SYNE1: variants seen among roughly 807,000 people sequenced by gnomAD.
SYNE1 encodes nesprin-1.
Under a neutral mutation model 1,111.0 loss-of-function variants are expected in SYNE1, and 616 were observed. The ratio of observed to expected loss-of-function variants is 0.55; its 90% CI spans 0.52 to 0.59. The LOEUF is 0.59. SYNE1 is among the 20% of genes least tolerant of loss of function. The pLI is 0.00. For synonymous variants in SYNE1, 3,855 were observed against 3,825.8 expected, an observed-to-expected ratio of 1.01 and a Z score of -0.28; for missense variants, 10,006 against 10,417.0, an observed-to-expected ratio of 0.96 and a Z score of 1.72.
chr6:152,217,114 T>A (rs1213063509), intron 121 of SYNE1, among the ~76,000 whole-genome samples: 2,281 of 100,386 alleles, frequency 0.023, 62 homozygotes, highest in African/African-American at 0.063. Context: ...TTTTTTTTTT[T>A]AAAAAAGTAT....
In SYNE1 at chr6:152,310,740, T is replaced by G; in HGVS notation, c.16844A>C (p.Glu5615Ala). The G allele has an allele frequency of 6.2e-7, 1 of 1,614,134 alleles. No homozygotes were observed. The highest frequency in any genetic ancestry group is 8.5e-7 in the Non-Finnish European group (1 of 1,180,018). ...ACGAATTTTGATCATCTGTCGCAAC[T>G]CCTCAGTCTCCCGTCCCAGTTCTGC... is the stretch of plus-strand genomic sequence containing the variant. ...QVAELGRETE[E>A]LRQMIKIRLQ... The change falls in exon 88 of 146, where the codon GAG becomes GCG. Residue 5615 changes from glutamate to alanine, a missense_variant. By Grantham distance (107) the Glu-to-Ala change is moderately radical (BLOSUM62 -1). This residue lies in a region of SYNE1 where 4,955 missense variants were observed against 5,017.2 expected (regional missense o/e 0.99). Coordinates refer to ENST00000367255, the MANE Select transcript of SYNE1 (RefSeq NM_182961.4).
intron 71 of SYNE1, 39 bp from the exon 72 acceptor site, chr6:152,350,374 G>A (rs1554514582): frequency 1.9e-6 from 3 of 1,613,302 alleles, no homozygotes; most frequent in African/African-American, 1.3e-5. Context: ...ACTTTCAAGT[G>A]AAAAACCTAC....
intron 11 of SYNE1, among the ~76,000 whole-genome samples, chr6:152,490,838 G>A (rs1223052288): frequency 6.6e-6 from 1 of 152,116 alleles, no homozygotes; most frequent in African/African-American, 2.4e-5. Flanking sequence ...CTATGACCTT[G>A]GGTCCTCAGG....
At chr6:152,278,355 A>C in intron 97 of SYNE1, 75 bp from the exon 98 acceptor site, 1 of 1,549,406 alleles carries the variant, frequency 6.5e-7, no homozygotes, top group Non-Finnish European at 8.9e-7. Context: ...ACAGTGAAAT[A>C]CAGCCCTTTG....
At chr6:152,149,346 C>T in intron 136 of SYNE1, 131 bp downstream of exon 136, 2 of 1,079,704 alleles carry the variant, frequency 1.9e-6, no homozygotes, top group Non-Finnish European at 2.8e-6. Flanking sequence ...CAATGTAGGA[C>T]AAAGCTAGGA....
At chr6:152,393,617 AGTAAGGGCTCATAGAG>A (rs1440017340) in intron 51 of SYNE1, among the ~76,000 whole-genome samples, 6 of 152,032 alleles carry the variant, frequency 3.9e-5, no homozygotes, top group Non-Finnish European at 8.8e-5. Flanking sequence ...CTTACACTAT[AGTAAGGGCTCATAGAG>A]ATGTTCCAAT....
In SYNE1 at chr6:152,151,758, C is replaced by T. The variant is rs1451831551; in HGVS notation, c.24313-68G>A. ...AGTCCTTCTAAACATATGGAGATGG[C>T]ACAGCGAATTCCAGTGTTCTGTAAA... On this transcript the variant is annotated intron_variant, in intron 134 of 145. Coordinates refer to ENST00000367255, the MANE Select transcript of SYNE1 (RefSeq NM_182961.4). The T allele has an allele frequency of 1.3e-5, 20 of 1,567,980 alleles. No homozygotes were observed. In the Admixed American group the frequency reaches 3.6e-4, roughly 28 times the overall value.
intron 130 of SYNE1, among the ~76,000 whole-genome samples, chr6:152,173,405 C>T (rs2065671505): frequency 1.3e-5 from 2 of 152,200 alleles, no homozygotes; most frequent in South Asian, 4.1e-4. Flanking sequence ...AGCACCAATA[C>T]AGGACAGAAA....
intron 30 of SYNE1, among the ~76,000 whole-genome samples, chr6:152,443,726 G>A (rs996107978): frequency 3.3e-5 from 5 of 152,096 alleles, no homozygotes; most frequent in African/African-American, 9.7e-5. Context: ...TTTTGCTACT[G>A]TGTATCAGGT....
chr6:152,548,846 G>A (rs946707803), intron 3 of SYNE1, among the ~76,000 whole-genome samples: 22 of 152,046 alleles, frequency 1.4e-4, no homozygotes, highest in Non-Finnish European at 1.5e-4. Flanking sequence ...ATCTGAACTC[G>A]TATGGTACTT....
intron 36 of SYNE1, among the ~76,000 whole-genome samples, chr6:152,429,234 A>C (rs1169242675): frequency 1.3e-5 from 2 of 152,064 alleles, no homozygotes; most frequent in Non-Finnish European, 2.9e-5. Context: ...TTCATTTTAC[A>C]GATTAGGAAA....
chr6:152,406,207 C>A (rs896817353), intron 45 of SYNE1, among the ~76,000 whole-genome samples: 6 of 152,000 alleles, frequency 3.9e-5, no homozygotes, highest in Non-Finnish European at 7.4e-5. Context: ...TTTGTGGAAG[C>A]CTGTGACCCT....
Position 152,530,982 on chromosome 6 carries a change from A to G in SYNE1, c.130-4807T>C, listed in dbSNP as rs2099196861. On this transcript the variant is annotated intron_variant, in intron 4 of 145. Coordinates refer to ENST00000367255, the MANE Select transcript of SYNE1 (RefSeq NM_182961.4). Reference sequence around the variant, plus strand: ...CATGAATCATCCCTTTGCCCAGGGTATTCATGCTGTCTACTCAACCTGACC... The same window carrying G: ...CATGAATCATCCCTTTGCCCAGGGTGTTCATGCTGTCTACTCAACCTGACC... Among the ~76,000 whole-genome samples the G allele has an allele frequency of 2.6e-5, 4 of 151,826 alleles. No individual in the cohort carries two copies. The South Asian group carries it at 8.3e-4, about 31-fold the overall frequency.
chr6:152,227,008 A>G (rs1459065161), intron 115 of SYNE1, among the ~76,000 whole-genome samples: 1 of 152,218 alleles, frequency 6.6e-6, no homozygotes, highest in African/African-American at 2.4e-5. Context: ...TCAATTGTAT[A>G]AAAAATATTT....
chr6:152,278,647 G>C (rs1408357916), intron 97 of SYNE1, among the ~76,000 whole-genome samples: 1 of 152,092 alleles, frequency 6.6e-6, no homozygotes, highest in Non-Finnish European at 1.5e-5. Context: ...TTTTTTAGTA[G>C]AGACGGGGTT....
chr6:152,350,629 T>C lies in SYNE1; in HGVS notation c.11722A>G (p.Ser3908Gly), dbSNP rs966258186. 3.7e-6 allele frequency: 6 copies of C among 1,614,218 alleles called. No individual in the cohort carries two copies. Among genetic ancestry groups the C allele is most frequent in the Non-Finnish European group, 5.1e-6 (6 of 1,180,032 alleles). The change falls in exon 71 of 146, where the codon AGC (serine) becomes GGC (glycine). Residue 3908 changes from serine (S) to glycine (G), a missense_variant. Transcript: ENST00000367255. ...QLQSDYQDLC[S>G]IGKEHVFSLE... ...TCATCTCTCCTTACCTTTCCTATGC[T>C]GCACAGGTCCTGGTAATCACTTTGA...
At position 152,597,547 on chromosome 6, in the gene SYNE1, A is replaced by G. The variant is rs114713424; in HGVS notation, c.67+30718T>C. Among the ~76,000 whole-genome samples, 805 of 152,274 alleles carry G rather than the reference A, an allele frequency of 5.3e-3. 9 individuals are homozygous for G. Among genetic ancestry groups the G allele is most frequent in the African/African-American group, 0.019 (771 of 41,550 alleles). ...AGTGATCCTCATGCCTTGGCCTCCT[A>G]TAGTTTGGCAAGTACAAGATAAACG... is the stretch of plus-strand genomic sequence containing the variant. On this transcript the variant is annotated intron_variant, in intron 3 of 145. Coordinates refer to ENST00000367255, the MANE Select transcript of SYNE1 (RefSeq NM_182961.4).
chr6:152,503,202 A>C (rs566299460), intron 9 of SYNE1, among the ~76,000 whole-genome samples: 1 of 152,290 alleles, frequency 6.6e-6, no homozygotes, highest in East Asian at 1.9e-4. Context: ...TACACACACT[A>C]TATATGGCCA....
Position 152,387,355 on chromosome 6 carries a change from C to T in SYNE1, c.8204G>A (p.Trp2735Ter). 1 of 1,614,126 alleles carries T rather than the reference C, an allele frequency of 6.2e-7. No homozygotes were observed. The highest frequency in any genetic ancestry group is 8.5e-7 in the Non-Finnish European group (1 of 1,179,980). The change falls in exon 54 of 146, where the codon TGG (tryptophan) becomes TAG (stop). Residue 2735 changes from tryptophan to a stop codon, truncating the protein, a stop_gained. Coordinates refer to ENST00000367255, the MANE Select transcript of SYNE1 (RefSeq NM_182961.4). LOFTEE classifies it high-confidence loss of function. The stretch of plus-strand genomic sequence containing the variant: ...GTTTTTCCTCTCTACATAGTCATTC[C>T]ATTGGCTAATCACAGACTCTAAAGT... ...QSTLESVISQ[W>*]NDYVERKNQL...
Sources: allele counts gnomAD v4.1 joint callset (sites outside exome capture counted in the v4.1 genomes callset), GRCh38; gene constraint gnomAD v4.1.1; regional missense constraint gnomAD v4.1.1; transcripts MANE v1.5; gene names NCBI Gene and HGNC (gene_info 2026-07-23, HGNC 2026-07-21).